Variants in MARK1 observed in about 807,000 individuals in gnomAD.
MARK1 encodes serine/threonine-protein kinase MARK1.
In MARK1, 40 loss-of-function variants were observed where a neutral mutation model predicts 96.3. That is an observed-to-expected ratio of 0.42 (90% confidence interval 0.32 to 0.54). The LOEUF (loss-of-function observed/expected upper bound fraction) is 0.54. Ranked by LOEUF, MARK1 falls within the 20% of genes least tolerant of loss-of-function variation. The pLI, the probability that MARK1 is intolerant of heterozygous loss-of-function variation, is 0.16. For synonymous variants in MARK1, 317 were observed against 341.2 expected (o/e 0.93, Z 0.78); for missense variants, 719 against 984.6 (o/e 0.73, Z 3.61).
chr1:220,603,472 G>A (rs941025245), intron 5 of MARK1, among the ~76,000 whole-genome samples: 1 of 152,078 alleles, frequency 6.6e-6, no homozygotes, highest in Middle Eastern at 3.4e-3. Context: ...GTTCAGCTGG[G>A]GTATTAGAGA....
In MARK1 at chr1:220,618,216, A is replaced by C; in HGVS notation, c.553-94A>C. 1.3e-6 allele frequency: 1 copy of C among 763,986 alleles called. No homozygotes were observed. Among genetic ancestry groups the C allele is most frequent in the Non-Finnish European group, 2.2e-6 (1 of 459,164 alleles). 47.3% of individuals were successfully genotyped at this position (763,986 alleles called of 1,614,324 possible). A position where few individuals can be genotyped will look rare whatever the true frequency, so the allele number is the denominator to read the frequency against. ...ATACTACATTTAGAAATGAGGGGCA[A>C]GAGATATGTAAGTTTGGAAGCTAAA... On this transcript the variant is annotated intron_variant, in intron 7 of 17. Transcript: ENST00000366917. This position sits in a 1 kb window ranked among gnomAD's most constrained non-coding sequence, Gnocchi z 4.6.
At chr1:220,570,063 A>G (rs191209190) in intron 1 of MARK1, among the ~76,000 whole-genome samples, 193 of 152,282 alleles carry the variant, frequency 1.3e-3, no homozygotes, top group African/African-American at 4.1e-3. Context: ...AAGTGCAAGG[A>G]TGTAAGAAAC....
chr1:220,531,214 A>T (rs1229438157), intron 1 of MARK1, among the ~76,000 whole-genome samples: 2 of 152,220 alleles, frequency 1.3e-5, no homozygotes, highest in African/African-American at 4.8e-5. Flanking sequence ...TCGATGAAAT[A>T]AAGTAACAAG....
chr1:220,528,903 G>A (rs1660106909), intron 1 of MARK1, 30 bp downstream of exon 1: 2 of 1,544,588 alleles, frequency 1.3e-6, no homozygotes, highest in Non-Finnish European at 1.7e-6. Context: ...CTCGGGAGCA[G>A]TGGGGGCGAG....
chr1:220,614,572 A>C (rs914701854), intron 6 of MARK1, among the ~76,000 whole-genome samples: 1 of 151,830 alleles, frequency 6.6e-6, no homozygotes, highest in Non-Finnish European at 1.5e-5. Context: ...ATATACCTCT[A>C]TATATAATAA....
In MARK1 at chr1:220,654,799, A is replaced by T. The variant is rs180712196; in HGVS notation, c.1988+1447A>T. Among the ~76,000 whole-genome samples, 612 of 152,354 alleles carry T rather than the reference A, an allele frequency of 4.0e-3. No individual in the cohort carries two copies. Among genetic ancestry groups the T allele is most frequent in the Non-Finnish European group, 7.2e-3 (493 of 68,030 alleles). ...AGTGCTTGATTACTAATTGTGCATT[A>T]AGCATTGTGCAAAATATTTCTCTTA... On this transcript the variant is annotated intron_variant, in intron 16 of 17. Transcript: ENST00000366917. This position sits in a 1 kb window ranked among gnomAD's most constrained non-coding sequence, Gnocchi z 4.0.
At chr1:220,590,110 G>A (rs1664887305) in intron 3 of MARK1, among the ~76,000 whole-genome samples, 1 of 152,164 alleles carries the variant, frequency 6.6e-6, no homozygotes, top group African/African-American at 2.4e-5. Context: ...TGCAGCTCAT[G>A]CAGAAAACTC....
intron 1 of MARK1, among the ~76,000 whole-genome samples, chr1:220,549,046 C>A (rs1661690843): frequency 6.6e-6 from 1 of 152,164 alleles, no homozygotes; most frequent in African/African-American, 2.4e-5. Context: ...CAGCCACTCC[C>A]TGTTCGCCTC....
Position 220,662,241 on chromosome 1 carries a change from C to T in MARK1, c.*75C>T, listed in dbSNP as rs1435307255. On this transcript the variant is annotated 3_prime_UTR_variant, in exon 18 of 18. Transcript: ENST00000366917. The stretch of plus-strand genomic sequence containing the variant: ...CAGTTTTTGAATGTACTGGTAATGC[C>T]TAATGTGGTCTGCCTGTGAATCTCC... 5 of 1,095,058 alleles carry T rather than the reference C, an allele frequency of 4.6e-6. No individual in the cohort carries two copies. The highest frequency in any genetic ancestry group is 1.6e-5 in the African/African-American group (1 of 63,616). 67.8% of individuals were successfully genotyped at this position (1,095,058 alleles called of 1,614,324 possible).
chr1:220,571,308 A>G (rs187416155), intron 1 of MARK1, among the ~76,000 whole-genome samples: 45 of 152,320 alleles, frequency 3.0e-4, no homozygotes, highest in African/African-American at 1.0e-3. Flanking sequence ...TTCATAGAAC[A>G]TGGTTTAAAA....
intron 3 of MARK1, among the ~76,000 whole-genome samples, chr1:220,594,123 G>C (rs1277334208): frequency 2.6e-5 from 4 of 152,276 alleles, no homozygotes; most frequent in Admixed American, 1.3e-4. Flanking sequence ...CTGTCCACAG[G>C]CATCTGGTAT....
intron 1 of MARK1, among the ~76,000 whole-genome samples, chr1:220,530,968 G>C (rs1158362740): frequency 6.6e-6 from 1 of 152,136 alleles, no homozygotes; most frequent in Non-Finnish European, 1.5e-5. Flanking sequence ...GTTGGGAAGG[G>C]GATATAGAAG....
At chr1:220,552,105 C>T (rs950120742) in intron 1 of MARK1, among the ~76,000 whole-genome samples, 3 of 152,214 alleles carry the variant, frequency 2.0e-5, no homozygotes, top group African/African-American at 7.2e-5. Flanking sequence ...TAGTCAGGAT[C>T]AGTCACCCCA....
chr1:220,618,736 T>G lies in MARK1; in HGVS notation c.890T>G (p.Ile297Arg). The change falls in exon 9 of 18, where the codon ATA becomes AGA. Residue 297 changes from isoleucine (I) to arginine (R), a missense_variant. Ile to Arg is a moderately conservative substitution (Grantham distance 97, BLOSUM62 -3). This residue lies in a region of MARK1 where 501 missense variants were observed against 588.3 expected (regional missense o/e 0.85). Coordinates refer to ENST00000366917, the MANE Select transcript of MARK1 (RefSeq NM_018650.5). The surrounding 1 kb of genome is among the most constrained non-coding windows in gnomAD (Gnocchi z 4.6). ...AAGAAATTATTAGTCCTGAATCCAA[T>G]AAAGAGAGGCAGCTTGGAAGTAAGT... ...LLKKLLVLNP[I>R]KRGSLEQIMK... 1 of 1,598,672 alleles carries G rather than the reference T, an allele frequency of 6.3e-7. No individual in the cohort carries two copies. The highest frequency in any genetic ancestry group is 8.5e-7 in the Non-Finnish European group (1 of 1,175,162).
In MARK1 at chr1:220,635,921, A is replaced by C. The variant is rs149475508; in HGVS notation, c.1365A>C (p.Lys455Asn). The C allele has an allele frequency of 2.3e-4, 374 of 1,614,030 alleles. 2 individuals carry two copies. The highest frequency in any genetic ancestry group is 5.9e-4 in the South Asian group (54 of 91,086). ...GTGAACAGAAAGAGGAGTGGGACAAAGATGTGGCTCGAAAACTTGGCAGCA... is the reference window on the plus strand; with the variant it reads ...GTGAACAGAAAGAGGAGTGGGACAACGATGTGGCTCGAAAACTTGGCAGCA... Reference protein sequence around the residue: ...VESEQKEEWDKDVARKLGSTT... With the variant: ...VESEQKEEWDNDVARKLGSTT... The change falls in exon 13 of 18, where the codon AAA (lysine) becomes AAC (asparagine). Residue 455 changes from lysine to asparagine, a missense_variant. Around this residue, in one of 4 missense-constraint regions of MARK1, gnomAD observed 501 missense variants for 588.3 expected, o/e 0.85. Transcript: ENST00000366917.
intron 9 of MARK1, 124 bp from the exon 10 acceptor site, chr1:220,630,911 C>CA: frequency 1.5e-6 from 1 of 662,570 alleles, no homozygotes. Flanking sequence ...GCCCACTAAT[C>CA]AAACTAGAAA....
chr1:220,616,069 C>T (rs1233322834), intron 7 of MARK1, 74 bp downstream of exon 7: 3 of 747,854 alleles, frequency 4.0e-6, no homozygotes, highest in African/African-American at 1.8e-5. Flanking sequence ...AATATTAGAG[C>T]TGTCTATTTT....
At chr1:220,541,523 C>A (rs1174791438) in intron 1 of MARK1, among the ~76,000 whole-genome samples, 1 of 152,116 alleles carries the variant, frequency 6.6e-6, no homozygotes, top group Non-Finnish European at 1.5e-5. Flanking sequence ...GTATTGAAAT[C>A]TTTTATTGTT....
chr1:220,594,779 C>T (rs1474935549), intron 3 of MARK1, among the ~76,000 whole-genome samples: 1 of 152,090 alleles, frequency 6.6e-6, no homozygotes, highest in Non-Finnish European at 1.5e-5. Context: ...GAAAAGGCTA[C>T]ATGCTGTATG....
Sources: gnomAD v4.1 joint callset for allele counts (sites outside exome capture counted in the v4.1 genomes callset) on GRCh38, gnomAD v4.1.1 for gene constraint, gnomAD v4.1.1 regional missense constraint, Gnocchi (gnomAD v3.1) non-coding constraint, MANE v1.5 for transcripts, NCBI Gene and HGNC (gene_info 2026-07-23, HGNC 2026-07-21) for gene names.